The following NR3C1 variants were observed in gnomAD, a reference collection of about 807,000 sequenced individuals.
NR3C1 encodes the protein nuclear receptor subfamily 3 group C member 1.
Under a neutral mutation model 74.0 loss-of-function variants are expected in NR3C1, and 14 were observed. That is an observed-to-expected ratio of 0.19 (90% confidence interval 0.12 to 0.30). NR3C1 has a LOEUF of 0.30. NR3C1 is among the 10% of genes least tolerant of loss of function. The pLI is 1.00. For missense variants in NR3C1, 695 were observed against 909.8 expected (o/e 0.76, Z 3.04); for synonymous variants, 308 against 332.5 (o/e 0.93, Z 0.80).
At chr5:143,329,698 G>T (rs2151692465) in intron 2 of NR3C1, among the ~76,000 whole-genome samples, 1 of 152,218 alleles carries the variant, frequency 6.6e-6, no homozygotes, top group South Asian at 2.1e-4. Context: ...AAGGTTAAAT[G>T]ATACCCAAAG....
chr5:143,412,979 T>A (rs1417052454), intron 1 of NR3C1, among the ~76,000 whole-genome samples: 1 of 152,216 alleles, frequency 6.6e-6, no homozygotes, highest in South Asian at 2.1e-4. Flanking sequence ...TAATTAATAT[T>A]CTCTCCATTC....
intron 2 of NR3C1, among the ~76,000 whole-genome samples, chr5:143,363,091 C>T (rs999847972): frequency 6.6e-6 from 1 of 152,146 alleles, no homozygotes; most frequent in East Asian, 1.9e-4. Context: ...AGTTCAAGGC[C>T]TGCCCTAATG....
In NR3C1 at chr5:143,279,447, T is replaced by C; in HGVS notation, c.*2442A>G. ...ATGATAATCTACGTTTTAGAAGCTC[T>C]TTTTGAAACTTAACACTGTCATTGA... is the stretch of plus-strand genomic sequence containing the variant. On this transcript the variant is annotated 3_prime_UTR_variant, in exon 9 of 9. Transcript: ENST00000394464. The C allele has an allele frequency of 6.7e-7, 1 of 1,491,688 alleles. No individual in the cohort carries two copies. Among genetic ancestry groups the C allele is most frequent in the Non-Finnish European group, 8.9e-7 (1 of 1,127,350 alleles). The allele number at this position is 1,491,688 out of a possible 1,614,324, so 92.4% of individuals were successfully genotyped here. A position where few individuals can be genotyped will look rare whatever the true frequency, so the allele number is the denominator to read the frequency against.
In NR3C1 at chr5:143,279,012, C is replaced by CAA; in HGVS notation, c.*2875_*2876dup. On this transcript the variant is annotated 3_prime_UTR_variant, in exon 9 of 9. Coordinates refer to ENST00000394464, the MANE Select transcript of NR3C1 (RefSeq NM_000176.3). ...TGTATAGTATCCCACAGAATACCTA[C>CAA]AAACACTAAAAATACTTTTCAGGAT... 3.7e-6 allele frequency: 1 copy of CAA among 269,032 alleles called. No homozygotes were observed. Among genetic ancestry groups the CAA allele is most frequent in the Non-Finnish European group, 7.0e-6 (1 of 143,580 alleles). The allele number at this position is 269,032 out of a possible 1,614,324, so 16.7% of individuals were successfully genotyped here.
chr5:143,369,023 A>C (rs543827358), intron 2 of NR3C1, among the ~76,000 whole-genome samples: 4 of 152,266 alleles, frequency 2.6e-5, no homozygotes, highest in Non-Finnish European at 4.4e-5. Flanking sequence ...CCATTAGTAC[A>C]TTAACTCATG....
intron 2 of NR3C1, among the ~76,000 whole-genome samples, chr5:143,380,389 T>A (rs1835969508): frequency 6.6e-6 from 1 of 152,126 alleles, no homozygotes. Context: ...CACTGAATCA[T>A]ACAAAAACCA....
At chr5:143,404,527 C>T, upstream of NR3C1, 1 of 979,490 alleles carries the variant, frequency 1.0e-6, no homozygotes, top group African/African-American at 1.8e-5. Context: ...CGTCCCCCAC[C>T]CTCTTCCCCG....
chr5:143,373,638 T>C (rs960699101), intron 2 of NR3C1, among the ~76,000 whole-genome samples: 2 of 152,132 alleles, frequency 1.3e-5, no homozygotes, highest in Non-Finnish European at 2.9e-5. Flanking sequence ...ACATTTAATG[T>C]GATTCCACAA....
At chr5:143,290,149 G>A (rs1815514723) in intron 7 of NR3C1, among the ~76,000 whole-genome samples, 1 of 152,200 alleles carries the variant, frequency 6.6e-6, no homozygotes, top group African/African-American at 2.4e-5. Context: ...GCTTTAAGGA[G>A]TATTTTGCCT....
intron 2 of NR3C1, among the ~76,000 whole-genome samples, chr5:143,351,766 T>TA (rs1383451225): frequency 6.6e-6 from 1 of 152,202 alleles, no homozygotes; most frequent in African/African-American, 2.4e-5. Context: ...ACTTTCTTTA[T>TA]AAAGGTTCTC....
At chr5:143,385,140 C>T (rs907687521) in intron 2 of NR3C1, among the ~76,000 whole-genome samples, 4 of 152,366 alleles carry the variant, frequency 2.6e-5, no homozygotes, top group African/African-American at 9.6e-5. Flanking sequence ...CTTTTAGCCA[C>T]AGCTGGAGCT....
chr5:143,432,159 CA>C lies in NR3C1; in HGVS notation c.-14+2372del, dbSNP rs376424551. 3.7e-4 allele frequency among the ~76,000 whole-genome samples: 57 copies of C among 152,328 alleles called. No homozygotes were observed. The East Asian group carries it at 5.2e-3, about 14-fold the overall frequency. ...CTGGGACTGGGTGCATCTACAGTGC[CA>C]GCCTAGCTGAATGTAGCACCAAGTG... On this transcript the variant is annotated intron_variant, in intron 1 of 8. Transcript: ENST00000343796.
exon 1 of NR3C1, chr5:143,434,563 T>G: frequency 1.0e-6 from 1 of 985,414 alleles, no homozygotes; most frequent in Non-Finnish European, 1.2e-6. Context: ...TGAAGCAAAG[T>G]CTTCTTTGTT....
rs546606629 is a variant in NR3C1, at chr5:143,394,687, T to C, written c.1184+4969A>G. ...TAATAAAGCATAGTAAGAAACAACA[T>C]AACTCAAAAATTAGTATTATATAGC... is the stretch of plus-strand genomic sequence containing the variant. On this transcript the variant is annotated intron_variant, in intron 2 of 8. Transcript: ENST00000394464. 3.9e-5 allele frequency among the ~76,000 whole-genome samples: 6 copies of C among 152,088 alleles called. No homozygotes were observed. The East Asian group carries it at 9.6e-4, about 24-fold the overall frequency.
At chr5:143,334,380 CA>C (rs1378281074) in intron 2 of NR3C1, among the ~76,000 whole-genome samples, 1 of 149,566 alleles carries the variant, frequency 6.7e-6, no homozygotes, top group East Asian at 2.0e-4. Flanking sequence ...AACTCTGTCT[CA>C]AAAAAAAAGA....
chr5:143,283,811 C>T (rs958338445), intron 7 of NR3C1, among the ~76,000 whole-genome samples: 2 of 152,156 alleles, frequency 1.3e-5, no homozygotes, highest in Admixed American at 1.3e-4. Context: ...CTACATTTTT[C>T]ACAGTGTGCT....
intron 2 of NR3C1, among the ~76,000 whole-genome samples, chr5:143,375,451 T>C (rs769013239): frequency 2.6e-5 from 4 of 152,210 alleles, no homozygotes; most frequent in Non-Finnish European, 4.4e-5. Flanking sequence ...TTAAATATAT[T>C]ATGGTATACC....
At position 143,308,477 on chromosome 5, in the gene NR3C1, A is replaced by C. The variant is rs567915929; in HGVS notation, c.1468+1620T>G. Among the ~76,000 whole-genome samples, 54 of 152,132 alleles carry C rather than the reference A, an allele frequency of 3.5e-4. 1 individual carries two copies. The highest frequency in any genetic ancestry group is 3.3e-3 in the South Asian group (16 of 4,800). On this transcript the variant is annotated intron_variant, in intron 4 of 8. Transcript: ENST00000394464. ...TAGACTCTGTCTCTAAAATAATAAT[A>C]ATCATCATAATCATAAAAGGAACCA... is the stretch of plus-strand genomic sequence containing the variant.
chr5:143,423,948 G>A (rs1000708755), intron 1 of NR3C1, among the ~76,000 whole-genome samples: 2 of 151,582 alleles, frequency 1.3e-5, no homozygotes, highest in African/African-American at 2.4e-5. Context: ...AAGGGTAGTG[G>A]GGAGGGGGGA....
Sources: allele counts gnomAD v4.1 joint callset (sites outside exome capture counted in the v4.1 genomes callset), GRCh38; gene constraint gnomAD v4.1.1; transcripts MANE v1.5; gene names NCBI Gene and HGNC (gene_info 2026-07-23, HGNC 2026-07-21).